Variants in MDGA2 observed in about 807,000 individuals in gnomAD.
MDGA2 encodes MAM domain containing glycosylphosphatidylinositol anchor 2.
A neutral mutation model predicts 117.8 loss-of-function variants in MDGA2; 40 were observed. The observed-to-expected ratio is 0.34, with a 90% CI of 0.26 to 0.44. MDGA2 has a LOEUF of 0.44. MDGA2 is among the 20% of genes least tolerant of loss of function. The pLI, the probability that MDGA2 is intolerant of heterozygous loss-of-function variation, is 1.00. For synonymous variants in MDGA2, 452 were observed against 439.0 expected, an observed-to-expected ratio of 1.03 and a Z score of -0.37; for missense variants, 1,123 against 1,250.6, an observed-to-expected ratio of 0.90 and a Z score of 1.54.
chr14:47,025,062 T>G lies in MDGA2; in HGVS notation c.1819+9949A>C, dbSNP rs146398860. On this transcript the variant is annotated intron_variant, in intron 8 of 16. Coordinates refer to ENST00000399232, the MANE Select transcript of MDGA2 (RefSeq NM_001113498.3). ...AGGCAAGTTAAAAAACAAAAATATA[T>G]TGGAAACATGCTTTCTTAATATATG... Among the ~76,000 whole-genome samples the G allele has an allele frequency of 1.4e-3, 218 of 152,218 alleles. 5 individuals are homozygous for G. The East Asian group carries it at 0.024, about 17-fold the overall frequency.
intron 1 of MDGA2, among the ~76,000 whole-genome samples, chr14:47,497,213 A>G (rs1330958469): frequency 1.3e-5 from 2 of 152,176 alleles, no homozygotes; most frequent in Non-Finnish European, 2.9e-5. Context: ...ACCATTAAAA[A>G]TGTTCATTGA....
At chr14:46,871,913 G>T in intron 14 of MDGA2, 1 of 401,918 alleles carries the variant, frequency 2.5e-6, no homozygotes, top group South Asian at 1.9e-5. Context: ...TTTGAGAGGC[G>T]AAGGTGGGAA....
At chr14:47,541,970 A>G (rs1298902514) in intron 1 of MDGA2, among the ~76,000 whole-genome samples, 3 of 152,218 alleles carry the variant, frequency 2.0e-5, no homozygotes, top group Non-Finnish European at 4.4e-5. Flanking sequence ...GTTCTGGATT[A>G]CTGAACTGCT....
chr14:47,214,009 C>A (rs935388264), intron 3 of MDGA2, among the ~76,000 whole-genome samples: 1 of 151,916 alleles, frequency 6.6e-6, no homozygotes, highest in Non-Finnish European at 1.5e-5. Context: ...AAGTACCGAG[C>A]GAAGAGGGGG....
chr14:47,052,776 CTTGT>C (rs995032515), intron 7 of MDGA2, among the ~76,000 whole-genome samples: 2 of 151,778 alleles, frequency 1.3e-5, no homozygotes, highest in African/African-American at 2.4e-5. Flanking sequence ...CTACCTGTGG[CTTGT>C]TTAAGAAGAT....
chr14:47,253,281 T>C (rs1887507912), intron 2 of MDGA2, among the ~76,000 whole-genome samples: 1 of 152,060 alleles, frequency 6.6e-6, no homozygotes, highest in South Asian at 2.1e-4. Context: ...AACCCAAAAG[T>C]CCAAGTCCAA....
At chr14:47,409,536 T>C (rs546172184) in intron 1 of MDGA2, among the ~76,000 whole-genome samples, 1 of 152,294 alleles carries the variant, frequency 6.6e-6, no homozygotes, top group East Asian at 1.9e-4. Context: ...CAACTGTGTA[T>C]TTTCAGGTGA....
At position 47,505,419 on chromosome 14, in the gene MDGA2, C is replaced by CT. The variant is rs1369470924; in HGVS notation, c.280+169097dup. Among the ~76,000 whole-genome samples the CT allele has an allele frequency of 2.0e-5, 3 of 152,242 alleles. No individual in the cohort carries two copies. The East Asian group carries it at 5.8e-4, about 29-fold the overall frequency. ...TGTATGCACTAACTACCCTGACTGA[C>CT]TCATTACACAACATAGATCTGTATA... On this transcript the variant is annotated intron_variant, in intron 1 of 16. Transcript: ENST00000399232.
intron 9 of MDGA2, among the ~76,000 whole-genome samples, chr14:46,954,871 T>C (rs1885504619): frequency 6.6e-6 from 1 of 152,110 alleles, no homozygotes; most frequent in Non-Finnish European, 1.5e-5. Flanking sequence ...ATTCACTTTT[T>C]TCTCATTTAA....
chr14:47,578,816 T>C (rs1265330994), intron 1 of MDGA2, among the ~76,000 whole-genome samples: 3 of 152,172 alleles, frequency 2.0e-5, no homozygotes, highest in Admixed American at 6.6e-5. Flanking sequence ...TGTGCTATGC[T>C]GTTGATACAT....
chr14:47,002,242 A>G (rs1199922828), intron 8 of MDGA2, among the ~76,000 whole-genome samples: 1 of 152,156 alleles, frequency 6.6e-6, no homozygotes, highest in African/African-American at 2.4e-5. Flanking sequence ...TGAATAAAGA[A>G]TAAGAAGGCT....
intron 3 of MDGA2, among the ~76,000 whole-genome samples, chr14:47,206,806 T>A (rs1885700090): frequency 6.6e-6 from 1 of 151,842 alleles, no homozygotes; most frequent in Admixed American, 6.6e-5. Context: ...AGAGGATCAC[T>A]TGAGCCCAGA....
intron 14 of MDGA2, among the ~76,000 whole-genome samples, chr14:46,870,564 A>G (rs994408048): frequency 6.6e-6 from 1 of 151,950 alleles, no homozygotes; most frequent in Non-Finnish European, 1.5e-5. Flanking sequence ...TTTTGCCTAG[A>G]TTTTAGTAAG....
chr14:46,854,948 T>C, intron 15 of MDGA2, 76 bp downstream of exon 15: 2 of 1,260,996 alleles, frequency 1.6e-6, no homozygotes, highest in South Asian at 3.4e-5. Flanking sequence ...TATTCATATT[T>C]TAATATTTGC....
chr14:47,267,197 C>T (rs774251528), intron 2 of MDGA2, among the ~76,000 whole-genome samples: 34 of 152,030 alleles, frequency 2.2e-4, no homozygotes, highest in Non-Finnish European at 4.1e-4. Flanking sequence ...GACCTCTCCA[C>T]TTTGATCTCA....
At chr14:47,216,613 AT>A (rs1181449576) in intron 3 of MDGA2, among the ~76,000 whole-genome samples, 2 of 152,152 alleles carry the variant, frequency 1.3e-5, no homozygotes, top group Non-Finnish European at 2.9e-5. Flanking sequence ...AGATTTTACA[AT>A]TGTGTTTAAG....
chr14:47,121,071 T>G (rs967287980), intron 5 of MDGA2, among the ~76,000 whole-genome samples: 1 of 152,094 alleles, frequency 6.6e-6, no homozygotes, highest in African/African-American at 2.4e-5. Context: ...CATATCAGAA[T>G]ATCAGGGGGG....
At chr14:47,478,783 A>G (rs1311000453) in intron 1 of MDGA2, among the ~76,000 whole-genome samples, 1 of 152,328 alleles carries the variant, frequency 6.6e-6, no homozygotes, top group East Asian at 1.9e-4. Flanking sequence ...TGAGTTAGAG[A>G]TTAAGTGGAG....
chr14:47,267,073 G>A (rs185907229), intron 2 of MDGA2, among the ~76,000 whole-genome samples: 1 of 152,208 alleles, frequency 6.6e-6, no homozygotes, highest in African/African-American at 2.4e-5. Flanking sequence ...TTATTCAGAG[G>A]ATTAATGAGG....
Sources: allele counts gnomAD v4.1 joint callset (sites outside exome capture counted in the v4.1 genomes callset), GRCh38; gene constraint gnomAD v4.1.1; transcripts MANE v1.5; gene names NCBI Gene and HGNC (gene_info 2026-07-23, HGNC 2026-07-21).